Variants in DNAAF1 observed in about 807,000 individuals in gnomAD.
DNAAF1 encodes the protein dynein axonemal assembly factor 1.
Under a neutral mutation model 71.1 loss-of-function variants are expected in DNAAF1, and 65 were observed. The observed-to-expected ratio is 0.91, with a 90% confidence interval of 0.75 to 1.12. DNAAF1 has a LOEUF of 1.12. DNAAF1 is among the 50% of genes most tolerant of loss of function. The pLI is 0.00. For missense variants in DNAAF1, 1,178 were observed against 899.8 expected (o/e 1.31, Z -3.96); for synonymous variants, 414 against 354.6 (o/e 1.17, Z -1.88).
chr16:84,174,806 G>T, intron 10 of DNAAF1, 84 bp downstream of exon 10: 3 of 1,560,678 alleles, frequency 1.9e-6, no homozygotes, highest in African/African-American at 1.4e-5. Flanking sequence ...TCCTAAACTT[G>T]AAAGTAAAAT....
At chr16:84,165,335 C>T (rs1464541363) in intron 6 of DNAAF1, among the ~76,000 whole-genome samples, 1 of 152,048 alleles carries the variant, frequency 6.6e-6, no homozygotes, top group African/African-American at 2.4e-5. Context: ...TATCTTCTCA[C>T]ATTCTTTGAG....
intron 11 of DNAAF1, chr16:84,176,528 C>T: frequency 6.2e-6 from 4 of 645,052 alleles, no homozygotes; most frequent in Non-Finnish European, 1.1e-5. Flanking sequence ...CCAGCCTCCT[C>T]TTGGGCAGCC....
At chr16:84,157,439 C>T (rs974033386) in intron 5 of DNAAF1, among the ~76,000 whole-genome samples, 7 of 149,994 alleles carry the variant, frequency 4.7e-5, no homozygotes, top group Admixed American at 1.3e-4. Context: ...ATGAGAATTG[C>T]TTGAACCCAG....
chr16:84,163,649 G>T (rs2087825511), intron 6 of DNAAF1, among the ~76,000 whole-genome samples: 1 of 152,032 alleles, frequency 6.6e-6, no homozygotes, highest in Non-Finnish European at 1.5e-5. Flanking sequence ...AAAGTGCTAG[G>T]ATTACAGGTG....
intron 1 of DNAAF1, among the ~76,000 whole-genome samples, chr16:84,145,888 G>A (rs1400609715): frequency 6.6e-6 from 1 of 152,114 alleles, no homozygotes; most frequent in African/African-American, 2.4e-5. Context: ...GGTCAGTCAG[G>A]AGTTCGAGAC....
chr16:84,156,873 G>C (rs1485250438), intron 5 of DNAAF1, among the ~76,000 whole-genome samples: 2 of 84,642 alleles, frequency 2.4e-5, no homozygotes, highest in South Asian at 3.6e-4. Context: ...TTTTTTTTGA[G>C]ACAGGGTCTT....
rs2087708722 is a variant in DNAAF1, at chr16:84,161,362, C to A, written c.863+1566C>A. Among the ~76,000 whole-genome samples, 3 of 152,148 alleles carry A rather than the reference C, an allele frequency of 2.0e-5. No homozygotes were observed. The East Asian group carries it at 5.8e-4, about 29-fold the overall frequency. ...GCCCTTTAGAGCATAGCCCAAGACT[C>A]CAGCTCAGGAGTCAGATTAACCTGG... On this transcript the variant is annotated intron_variant, in intron 6 of 11. Coordinates refer to ENST00000378553, the MANE Select transcript of DNAAF1 (RefSeq NM_178452.6).
At chr16:84,177,597 G>C (rs1481518854) in intron 11 of DNAAF1, 132 bp from the exon 12 acceptor site, 2 of 774,798 alleles carry the variant, frequency 2.6e-6, no homozygotes, top group African/African-American at 3.4e-5. Context: ...CCAAAGTGCT[G>C]GGATTACAGG....
In DNAAF1 at chr16:84,145,322, G is replaced by C. The variant is rs1337763588; in HGVS notation, c.-119G>C. On this transcript the variant is annotated 5_prime_UTR_variant, in exon 1 of 12. Transcript: ENST00000378553. ...AGCGTTGGGCTGTAAAGACTAGGGC[G>C]CCAGCGGCTGGCGAAGAAGGAAAGA... 1.3e-6 allele frequency: 2 copies of C among 1,503,310 alleles called. No homozygotes were observed. Among genetic ancestry groups the C allele is most frequent in the Non-Finnish European group, 1.8e-6 (2 of 1,118,062 alleles). The allele number at this position is 1,503,310 out of a possible 1,614,324, so 93.1% of individuals were successfully genotyped here.
rs2086928748 is a variant in DNAAF1 at position 84,146,690 on chromosome 16, A to G, written c.124+1126A>G. On this transcript the variant is annotated intron_variant, in intron 1 of 11. Transcript: ENST00000378553. ...CAAGGGGGAGGCTGAGGCTGCAGTG[A>G]GCCAAGATCACACCACTGCACCCCA... Among the ~76,000 whole-genome samples, 6 of 152,014 alleles carry G rather than the reference A, an allele frequency of 3.9e-5. No homozygotes were observed. In the South Asian group the frequency reaches 1.2e-3, roughly 32 times the overall value.
chr16:84,177,888 C>G lies in DNAAF1; in HGVS notation c.*47C>G. Reference sequence around the variant, plus strand: ...ATAAATGGTTTAATCATAAATGTCTCCCTTAGGCATGATAAACATTTTAAC... The same window carrying G: ...ATAAATGGTTTAATCATAAATGTCTGCCTTAGGCATGATAAACATTTTAAC... On this transcript the variant is annotated 3_prime_UTR_variant, in exon 12 of 12. Transcript: ENST00000378553. 6.7e-7 allele frequency: 1 copy of G among 1,482,578 alleles called. No homozygotes were observed. The highest frequency in any genetic ancestry group is 9.4e-7 in the Non-Finnish European group (1 of 1,060,528). The allele number at this position is 1,482,578 out of a possible 1,614,324, so 91.8% of individuals were successfully genotyped here. A position where few individuals can be genotyped will look rare whatever the true frequency, so the allele number is the denominator to read the frequency against.
chr16:84,148,596 C>CTGTTTTTTTTTTTTTTTTTTTTTT, intron 1 of DNAAF1, among the ~76,000 whole-genome samples: 1 of 43,578 alleles, frequency 2.3e-5, no homozygotes, highest in Non-Finnish European at 4.2e-5. Flanking sequence ...CTCTCTCTCT[C>CTGTTTTTTTTTTTTTTTTTTTTTT]TTTTTTTTTT....
At chr16:84,149,754 G>C (rs917077140) in intron 2 of DNAAF1, among the ~76,000 whole-genome samples, 1 of 151,182 alleles carries the variant, frequency 6.6e-6, no homozygotes, top group Non-Finnish European at 1.5e-5. Context: ...GCCAAGCGTG[G>C]TGGCCCTTGC....
Position 84,172,717 on chromosome 16 carries a change from C to T in DNAAF1, c.1644+342C>T, listed in dbSNP as rs938374512. ...TTGCTAAGTGGTTCTGACTAGTTGC[C>T]TTATCCAAATTCGTGGTGAGAGTTA... is the stretch of plus-strand genomic sequence containing the variant. On this transcript the variant is annotated intron_variant, in intron 9 of 11. Coordinates refer to ENST00000378553, the MANE Select transcript of DNAAF1 (RefSeq NM_178452.6). The T allele has an allele frequency of 1.9e-5, 22 of 1,180,526 alleles. No homozygotes were observed. In the African/African-American group the frequency reaches 3.3e-4, roughly 18 times the overall value. The allele number at this position is 1,180,526 out of a possible 1,614,324, so 73.1% of individuals were successfully genotyped here.
intron 1 of DNAAF1, 41 bp from the exon 2 acceptor site, chr16:84,148,966 A>G: frequency 1.2e-6 from 2 of 1,612,196 alleles, no homozygotes; most frequent in Middle Eastern, 1.7e-4. Context: ...TTTTTGGCAT[A>G]TATCTTGATC....
intron 5 of DNAAF1, among the ~76,000 whole-genome samples, chr16:84,157,510 CAA>C (rs59707812): frequency 0.019 from 1,558 of 82,262 alleles, 19 homozygotes; most frequent in African/African-American, 0.064. Flanking sequence ...GACACTGTGT[CAA>C]AAAAAAAAAA....
chr16:84,172,152 C>A, intron 8 of DNAAF1, 108 bp from the exon 9 acceptor site: 1 of 1,029,132 alleles, frequency 9.7e-7, no homozygotes, highest in Non-Finnish European at 1.5e-6. Flanking sequence ...GTTGGGATTA[C>A]AGGCATGAGC....
In DNAAF1 at chr16:84,149,042, T is replaced by C; in HGVS notation, c.160T>C (p.Ser54Pro). Residue 54 changes from serine (S) to proline (P), a missense_variant, in exon 2 of 12, where the codon TCT (serine) becomes CCT (proline). Coordinates refer to ENST00000378553, the MANE Select transcript of DNAAF1 (RefSeq NM_178452.6). The part of the protein sequence containing the change: ...NDPKEICVGS[S>P]DTSYHSQQKQ... ...TCCTAAGGAAATATGTGTGGGTTCT[T>C]CTGACACATCCTACCACAGCCAGCA... 1 of 1,614,166 alleles carries C rather than the reference T, an allele frequency of 6.2e-7. No homozygotes were observed. The highest frequency in any genetic ancestry group is 1.1e-5 in the South Asian group (1 of 91,080).
At chr16:84,167,483 C>T (rs1397406537) in intron 7 of DNAAF1, among the ~76,000 whole-genome samples, 2 of 152,094 alleles carry the variant, frequency 1.3e-5, no homozygotes, top group Non-Finnish European at 2.9e-5. Flanking sequence ...TCTCTGTGCT[C>T]CAGAAGCCAC....
Sources: allele counts gnomAD v4.1 joint callset (sites outside exome capture counted in the v4.1 genomes callset), GRCh38; gene constraint gnomAD v4.1.1; transcripts MANE v1.5; gene names NCBI Gene and HGNC (gene_info 2026-07-23, HGNC 2026-07-21).